Variants in DLG2 observed in about 807,000 individuals in gnomAD.
DLG2 encodes disks large homolog 2.
A neutral mutation model predicts 132.5 loss-of-function variants in DLG2; 45 were observed. The ratio of observed to expected loss-of-function variants is 0.34; its 90% CI spans 0.27 to 0.44. The LOEUF (loss-of-function observed/expected upper bound fraction) is 0.44. Ranked by LOEUF, DLG2 falls within the 20% of genes least tolerant of loss-of-function variation. DLG2 has a pLI of 1.00. For missense variants in DLG2, 1,045 were observed against 1,196.9 expected (o/e 0.87, Z 1.87); for synonymous variants, 424 against 419.6 (o/e 1.01, Z -0.13).
chr11:84,742,751 G>A (rs980234399), intron 6 of DLG2, among the ~76,000 whole-genome samples: 1 of 152,092 alleles, frequency 6.6e-6, no homozygotes, highest in Non-Finnish European at 1.5e-5. Flanking sequence ...AGCAATTATT[G>A]TATCATATAG....
chr11:84,612,839 G>C (rs1268598359), intron 6 of DLG2, among the ~76,000 whole-genome samples: 1 of 152,074 alleles, frequency 6.6e-6, no homozygotes, highest in Non-Finnish European at 1.5e-5. Flanking sequence ...GACTCAGAAT[G>C]ATTACGTCAT....
chr11:84,841,115 A>G lies in DLG2; in HGVS notation c.357+270546T>C, dbSNP rs562464302. On this transcript the variant is annotated intron_variant, in intron 6 of 27. Coordinates refer to ENST00000376104, the MANE Select transcript of DLG2 (RefSeq NM_001142699.3). ...TAAAAATGATCACATAAGAATGAACATCACATGACACCATTTATGTAAAGC... is the reference window on the plus strand; with the variant it reads ...TAAAAATGATCACATAAGAATGAACGTCACATGACACCATTTATGTAAAGC... Among the ~76,000 whole-genome samples the G allele has an allele frequency of 1.6e-4, 25 of 152,048 alleles. No individual in the cohort carries two copies. In the South Asian group the frequency reaches 5.0e-3, roughly 30 times the overall value.
intron 6 of DLG2, among the ~76,000 whole-genome samples, chr11:84,777,279 GTGTA>G (rs1359805903): frequency 1.2e-4 from 10 of 85,126 alleles, no homozygotes; most frequent in African/African-American, 4.7e-4. Flanking sequence ...ATATGTGTGT[GTGTA>G]TATATATATA....
rs61909369 is a variant in DLG2, at chr11:85,322,923, C to A, written c.41-37558G>T. On this transcript the variant is annotated intron_variant, in intron 3 of 27. Transcript: ENST00000376104. Reference sequence around the variant, plus strand: ...AGAGCCTATGATTCCTGTTTCTACCCTTTAAATAGGATAATCTTTTAAAAT... The same window carrying A: ...AGAGCCTATGATTCCTGTTTCTACCATTTAAATAGGATAATCTTTTAAAAT... 5.4e-3 allele frequency among the ~76,000 whole-genome samples: 819 copies of A among 152,306 alleles called. 3 individuals carry two copies. Among genetic ancestry groups the A allele is most frequent in the Non-Finnish European group, 8.2e-3 (555 of 68,014 alleles).
At chr11:83,590,547 C>T (rs1289584559) in intron 19 of DLG2, among the ~76,000 whole-genome samples, 333 of 151,494 alleles carry the variant, frequency 2.2e-3, no homozygotes, top group Admixed American at 3.6e-3. Flanking sequence ...AGGAAAGATC[C>T]AAAATTGACA....
chr11:85,182,890 T>C lies in DLG2; in HGVS notation c.187-28239A>G, dbSNP rs962439832. On this transcript the variant is annotated intron_variant, in intron 4 of 27. Transcript: ENST00000376104. ...GTGGGTTGAGATTTATATGACTCCATTGTTCCAGCAGAGAAATTCTAAATG... is the reference window on the plus strand; with the variant it reads ...GTGGGTTGAGATTTATATGACTCCACTGTTCCAGCAGAGAAATTCTAAATG... Among the ~76,000 whole-genome samples the C allele has an allele frequency of 3.3e-5, 5 of 150,440 alleles. No homozygotes were observed. The East Asian group carries it at 9.8e-4, about 29-fold the overall frequency.
At chr11:84,290,897 T>C (rs2154375491) in intron 7 of DLG2, among the ~76,000 whole-genome samples, 1 of 152,242 alleles carries the variant, frequency 6.6e-6, no homozygotes, top group Non-Finnish European at 1.5e-5. Flanking sequence ...ATGAGTAAGT[T>C]GCTTAAACTC....
chr11:84,366,804 T>G (rs2098685826), intron 7 of DLG2, among the ~76,000 whole-genome samples: 1 of 152,034 alleles, frequency 6.6e-6, no homozygotes, highest in Non-Finnish European at 1.5e-5. Flanking sequence ...GCACCCAGAT[T>G]CATAAAGCAA....
At chr11:85,179,643 A>C (rs1484234210) in intron 4 of DLG2, among the ~76,000 whole-genome samples, 1 of 151,852 alleles carries the variant, frequency 6.6e-6, no homozygotes, top group Non-Finnish European at 1.5e-5. Flanking sequence ...TTTTCAGTAC[A>C]ACAGGAGGTA....
intron 6 of DLG2, among the ~76,000 whole-genome samples, chr11:84,593,073 C>T (rs1006626965): frequency 4.8e-5 from 7 of 145,458 alleles, no homozygotes; most frequent in African/African-American, 1.3e-4. Flanking sequence ...GAGCCAAGAT[C>T]GTGCCACTGC....
intron 3 of DLG2, among the ~76,000 whole-genome samples, chr11:85,348,236 T>A (rs1234783176): frequency 6.6e-6 from 1 of 151,154 alleles, no homozygotes; most frequent in Non-Finnish European, 1.5e-5. Flanking sequence ...TTTATTTCTT[T>A]TTTTTGAGAC....
chr11:85,308,277 TA>T (rs201899982), intron 3 of DLG2, among the ~76,000 whole-genome samples: 63 of 148,560 alleles, frequency 4.2e-4, no homozygotes, highest in African/African-American at 1.5e-3. Flanking sequence ...AAAAAGGAAT[TA>T]AAAAAAAAAA....
At chr11:83,649,143 A>G (rs1018108128) in intron 18 of DLG2, among the ~76,000 whole-genome samples, 5 of 152,134 alleles carry the variant, frequency 3.3e-5, no homozygotes, top group Non-Finnish European at 7.4e-5. Flanking sequence ...AGTTTAAAGC[A>G]CTGGCCTCTA....
At chr11:85,091,424 T>G (rs2068756997) in intron 6 of DLG2, among the ~76,000 whole-genome samples, 1 of 152,160 alleles carries the variant, frequency 6.6e-6, no homozygotes, top group South Asian at 2.1e-4. Context: ...TGATGAAGAC[T>G]GGGGTGGCTG....
At chr11:83,475,193 A>C (rs1439579935) in intron 22 of DLG2, among the ~76,000 whole-genome samples, 2 of 152,126 alleles carry the variant, frequency 1.3e-5, no homozygotes, top group African/African-American at 4.8e-5. Context: ...ATTGCTGTGA[A>C]TTCAGCATCT....
chr11:84,032,069 G>A (rs2095711838), intron 11 of DLG2, among the ~76,000 whole-genome samples: 1 of 152,034 alleles, frequency 6.6e-6, no homozygotes, highest in Non-Finnish European at 1.5e-5. Flanking sequence ...GTCCTTACCT[G>A]TTCTCGCTCC....
At chr11:85,021,464 G>C (rs1426592724) in intron 6 of DLG2, 1 of 1,423,004 alleles carries the variant, frequency 7.0e-7, no homozygotes, top group African/African-American at 1.4e-5. Flanking sequence ...ACAGCAGCCC[G>C]GGCATTTCTC....
chr11:83,657,611 T>G (rs1439524139), intron 18 of DLG2, among the ~76,000 whole-genome samples: 2 of 140,070 alleles, frequency 1.4e-5, no homozygotes, highest in African/African-American at 5.4e-5. Context: ...CGATCTCGGC[T>G]CACTGCAAGA....
intron 5 of DLG2, among the ~76,000 whole-genome samples, chr11:85,139,217 A>G (rs2076307638): frequency 6.6e-6 from 1 of 152,106 alleles, no homozygotes; most frequent in South Asian, 2.1e-4. Context: ...GAAGTTTACC[A>G]GTGAGAGCAG....
Sources: allele counts gnomAD v4.1 joint callset (sites outside exome capture counted in the v4.1 genomes callset), GRCh38; gene constraint gnomAD v4.1.1; transcripts MANE v1.5; gene names NCBI Gene and HGNC (gene_info 2026-07-23, HGNC 2026-07-21).